Variants in ATXN1 observed in about 807,000 individuals in gnomAD.
ATXN1 encodes ataxin-1.
A neutral mutation model predicts 56.4 loss-of-function variants in ATXN1; 8 were observed. The ratio of observed to expected loss-of-function variants is 0.14; its 90% confidence interval spans 0.08 to 0.26. The LOEUF (loss-of-function observed/expected upper bound fraction) is 0.26, where lower values mean the gene tolerates loss of function less well. ATXN1 is among the 10% of genes least tolerant of loss of function. ATXN1 has a pLI of 1.00. For missense variants in ATXN1, 987 were observed against 1,106.5 expected (o/e 0.89, Z 1.53); for synonymous variants, 514 against 494.6 (o/e 1.04, Z -0.52).
At position 16,327,375 on chromosome 6, in the gene ATXN1, G is replaced by A. The variant is rs1447804967; in HGVS notation, c.936C>T (p.Ser312=). Residue 312 remains serine (S), a synonymous_variant, in exon 7 of 8, where the codon AGC becomes AGT. Coordinates refer to ENST00000436367, the MANE Select transcript of ATXN1 (RefSeq NM_001128164.2). ...PREATKKAES[S]RLQQAIQAKE... ...TGGCCTGGATGGCCTGCTGCAGCCG[G>A]CTGCTCTCAGCTTTCTTGGTGGCCT... 1 of 1,613,470 alleles carries A rather than the reference G, an allele frequency of 6.2e-7. No homozygotes were observed. Among genetic ancestry groups the A allele is most frequent in the Non-Finnish European group, 8.5e-7 (1 of 1,179,978 alleles).
intron 3 of ATXN1, among the ~76,000 whole-genome samples, chr6:16,647,196 G>T (rs1265958076): frequency 6.6e-6 from 1 of 152,042 alleles, no homozygotes; most frequent in Non-Finnish European, 1.5e-5. Flanking sequence ...GTAGAGATGG[G>T]GTTTCACCAT....
At chr6:16,310,560 G>A (rs1363174503) in intron 7 of ATXN1, among the ~76,000 whole-genome samples, 2 of 152,178 alleles carry the variant, frequency 1.3e-5, no homozygotes, top group African/African-American at 4.8e-5. Context: ...TCGGCTCACT[G>A]CAATCTCCGC....
intron 4 of ATXN1, among the ~76,000 whole-genome samples, chr6:16,547,348 T>C (rs1035350518): frequency 6.6e-6 from 1 of 152,178 alleles, no homozygotes; most frequent in Non-Finnish European, 1.5e-5. Context: ...TCAATGCACC[T>C]GCTTTCAAAA....
chr6:16,734,384 A>G (rs1335572724), intron 2 of ATXN1, among the ~76,000 whole-genome samples: 1 of 152,176 alleles, frequency 6.6e-6, no homozygotes, highest in Admixed American at 6.5e-5. Flanking sequence ...TTTGTTCTCC[A>G]TGATGGTGCG....
At chr6:16,655,070 C>T (rs917273596) in intron 3 of ATXN1, among the ~76,000 whole-genome samples, 1 of 152,110 alleles carries the variant, frequency 6.6e-6, no homozygotes, top group Non-Finnish European at 1.5e-5. Flanking sequence ...ATAATAAATG[C>T]TATTCAACGT....
At chr6:16,603,174 G>A (rs1167491010) in intron 3 of ATXN1, among the ~76,000 whole-genome samples, 1 of 152,186 alleles carries the variant, frequency 6.6e-6, no homozygotes, top group Non-Finnish European at 1.5e-5. Flanking sequence ...ACCAGTTTCT[G>A]AGAGCTTGAG....
chr6:16,553,165 G>A (rs1477325121), intron 4 of ATXN1, among the ~76,000 whole-genome samples: 2 of 152,166 alleles, frequency 1.3e-5, no homozygotes, highest in Non-Finnish European at 2.9e-5. Flanking sequence ...AGAAAACTGT[G>A]GTTTGGGTCT....
Position 16,328,455 on chromosome 6 carries a change from A to G in ATXN1, c.-145T>C. The G allele has an allele frequency of 7.7e-7, 1 of 1,295,680 alleles. No individual in the cohort carries two copies. Among genetic ancestry groups the G allele is most frequent in the Non-Finnish European group, 9.8e-7 (1 of 1,016,748 alleles). 80.3% of individuals were successfully genotyped at this position (1,295,680 alleles called of 1,614,324 possible). ...ATCTCCCCGTGGGTACAATCCGCCA[A>G]CAGCAGCTCTGGATGCTGGGAAAGG... is the stretch of plus-strand genomic sequence containing the variant. On this transcript the variant is annotated 5_prime_UTR_variant, in exon 7 of 8. Transcript: ENST00000436367. The surrounding 1 kb of genome is among the most constrained non-coding windows in gnomAD (Gnocchi z 6.2).
intron 6 of ATXN1, among the ~76,000 whole-genome samples, chr6:16,422,651 T>A (rs1220379589): frequency 6.6e-6 from 1 of 152,186 alleles, no homozygotes; most frequent in African/African-American, 2.4e-5. Context: ...CAAATCAACC[T>A]GAGAACTGGA....
chr6:16,655,433 T>C (rs1428816381), intron 3 of ATXN1, among the ~76,000 whole-genome samples: 1 of 152,152 alleles, frequency 6.6e-6, no homozygotes, highest in Non-Finnish European at 1.5e-5. Flanking sequence ...TGATGATTCC[T>C]GCCCTGAAGC....
chr6:16,523,946 C>T (rs1055515635), intron 4 of ATXN1, among the ~76,000 whole-genome samples: 4 of 152,184 alleles, frequency 2.6e-5, no homozygotes, highest in South Asian at 2.1e-4. Flanking sequence ...ATTTTAAAGA[C>T]GCCTTTGCAG....
chr6:16,395,132 A>G (rs1758425807), intron 6 of ATXN1, among the ~76,000 whole-genome samples: 1 of 152,004 alleles, frequency 6.6e-6, no homozygotes, highest in Non-Finnish European at 1.5e-5. Flanking sequence ...TTAGCTGGGC[A>G]TGGTGGCTCA....
In ATXN1 at chr6:16,690,113, C is replaced by T. The variant is rs1297393227; in HGVS notation, c.-614-32212G>A. 7.2e-5 allele frequency among the ~76,000 whole-genome samples: 11 copies of T among 151,862 alleles called. No homozygotes were observed. In the East Asian group the frequency reaches 7.7e-4, roughly 11 times the overall value. On this transcript the variant is annotated intron_variant, in intron 2 of 7. Transcript: ENST00000436367. ...TGATGTTTATTATTTGTCTTAGAGA[C>T]GGGGTCTCACTATGTTGCCCAAGTT...
Position 16,303,009 on chromosome 6 carries a change from G to A in ATXN1, c.*3320C>T, listed in dbSNP as rs1561842019. The A allele has an allele frequency of 6.5e-6, 1 of 152,682 alleles. No homozygotes were observed. The highest frequency in any genetic ancestry group is 1.5e-5 in the Non-Finnish European group (1 of 68,068). The allele number at this position is 152,682 out of a possible 1,614,324, so 9.5% of individuals were successfully genotyped here. ...CTATTTGAAGAGAAAGCTGCCACAA[G>A]GGAGTGGTGACCGTGGGTGGCAGGT... On this transcript the variant is annotated 3_prime_UTR_variant, in exon 8 of 8. Transcript: ENST00000436367. This position sits in a 1 kb window ranked among gnomAD's most constrained non-coding sequence, Gnocchi z 4.3.
chr6:16,448,589 A>C (rs1178239799), intron 6 of ATXN1, among the ~76,000 whole-genome samples: 1 of 152,220 alleles, frequency 6.6e-6, no homozygotes, highest in African/African-American at 2.4e-5. Context: ...CTCAAACTGC[A>C]GCACCTATGA....
intron 4 of ATXN1, among the ~76,000 whole-genome samples, chr6:16,534,665 T>C (rs1018959271): frequency 2.0e-5 from 3 of 152,090 alleles, no homozygotes; most frequent in Non-Finnish European, 4.4e-5. Flanking sequence ...CATTTCCTCA[T>C]CCCACCAAGA....
In ATXN1 at chr6:16,591,869, A is replaced by G. The variant is rs577350847; in HGVS notation, c.-488-5962T>C. Among the ~76,000 whole-genome samples the G allele has an allele frequency of 1.9e-4, 29 of 152,150 alleles. 1 individual carries two copies. The South Asian group carries it at 5.8e-3, about 30-fold the overall frequency. On this transcript the variant is annotated intron_variant, in intron 3 of 7. Coordinates refer to ENST00000436367, the MANE Select transcript of ATXN1 (RefSeq NM_001128164.2). ...TAAAGGTTAAAGCCAAAAAAAATCCATTTTTTAGTGAAATGAAACTCTTAG... is the reference window on the plus strand; with the variant it reads ...TAAAGGTTAAAGCCAAAAAAAATCCGTTTTTTAGTGAAATGAAACTCTTAG...
intron 2 of ATXN1, among the ~76,000 whole-genome samples, chr6:16,745,997 A>C (rs1581417160): frequency 1.3e-5 from 2 of 151,150 alleles, no homozygotes; most frequent in East Asian, 3.9e-4. Flanking sequence ...TTATTGAGAT[A>C]CTACCATAAG....
At chr6:16,621,936 A>C (rs552473406) in intron 3 of ATXN1, among the ~76,000 whole-genome samples, 2 of 152,308 alleles carry the variant, frequency 1.3e-5, no homozygotes, top group South Asian at 4.1e-4. Context: ...CGAGTAGTTT[A>C]ATCTATCTGA....
Sources: allele counts gnomAD v4.1 joint callset (sites outside exome capture counted in the v4.1 genomes callset), GRCh38; gene constraint gnomAD v4.1.1; non-coding constraint Gnocchi (gnomAD v3.1); transcripts MANE v1.5; gene names NCBI Gene and HGNC (gene_info 2026-07-23, HGNC 2026-07-21).